CACNA1E: variants seen among roughly 807,000 people sequenced by gnomAD.
CACNA1E encodes the protein calcium voltage-gated channel subunit alpha1 E.
CACNA1E carries 40 observed loss-of-function variants against 259.2 expected under a neutral mutation model. The observed-to-expected ratio is 0.15, with a 90% CI of 0.12 to 0.20. CACNA1E has a LOEUF of 0.20. Among genes scored for constraint, CACNA1E ranks in the 10% least tolerant of loss-of-function variants. CACNA1E has a pLI of 1.00. For synonymous variants in CACNA1E, 1,104 were observed against 1,138.5 expected, an observed-to-expected ratio of 0.97 and a Z score of 0.61; for missense variants, 1,874 against 3,040.1, an observed-to-expected ratio of 0.62 and a Z score of 9.02.
At chr1:181,706,051 T>C (rs905979721) in intron 7 of CACNA1E, among the ~76,000 whole-genome samples, 1 of 152,038 alleles carries the variant, frequency 6.6e-6, no homozygotes, top group Admixed American at 6.6e-5. Flanking sequence ...ATAGAACAAA[T>C]GAAAAGGAGC....
rs190743003 is a variant in CACNA1E, at chr1:181,793,813, A to T, written c.6027+20A>T. ...CCCCAGGTAAAAAGCAACCACCTAC[A>T]TTAATGCAGTGGCATCCGGGCTGTA... On this transcript the variant is annotated intron_variant, in intron 45 of 47. Transcript: ENST00000367573. 3.1e-6 allele frequency: 5 copies of T among 1,609,048 alleles called. No homozygotes were observed. In the East Asian group the frequency reaches 1.1e-4, roughly 36 times the overall value.
chr1:181,359,216 G>A (rs1316734227), intron 1 of CACNA1E, among the ~76,000 whole-genome samples: 1 of 152,148 alleles, frequency 6.6e-6, no homozygotes, highest in Non-Finnish European at 1.5e-5. Flanking sequence ...AGCTGGGGGA[G>A]GGGCATGGAG....
chr1:181,379,949 A>T (rs1025856924), intron 1 of CACNA1E, among the ~76,000 whole-genome samples: 1 of 148,890 alleles, frequency 6.7e-6, no homozygotes, highest in African/African-American at 2.5e-5. Flanking sequence ...AGTAGTGGGA[A>T]GGTAGACTGT....
chr1:181,749,587 G>C (rs1408546815), intron 25 of CACNA1E, among the ~76,000 whole-genome samples: 2 of 152,200 alleles, frequency 1.3e-5, no homozygotes, highest in East Asian at 3.8e-4. Flanking sequence ...CTGTGAAATG[G>C]GGATAGTGAT....
At chr1:181,661,633 G>A (rs989415122) in intron 7 of CACNA1E, among the ~76,000 whole-genome samples, 3 of 152,322 alleles carry the variant, frequency 2.0e-5, no homozygotes, top group East Asian at 1.9e-4. Context: ...GTTCACAGGA[G>A]TAGAGTAGGG....
In CACNA1E at chr1:181,678,268, C is replaced by G. The variant is rs55964763; in HGVS notation, c.1055+26827C>G. ...AAAGAGGACTGAGAGAGTGTTTATT[C>G]TACCCAGACCATGGCTTTGAGATTG... On this transcript the variant is annotated intron_variant, in intron 7 of 47. Coordinates refer to ENST00000367573, the MANE Select transcript of CACNA1E (RefSeq NM_001205293.3). Among the ~76,000 whole-genome samples, 943 of 152,300 alleles carry G rather than the reference C, an allele frequency of 6.2e-3. 7 individuals carry two copies. Among genetic ancestry groups the G allele is most frequent in the African/African-American group, 0.022 (903 of 41,554 alleles).
chr1:181,719,646 T>C (rs1316901250), intron 12 of CACNA1E, 105 bp from the exon 13 acceptor site: 1 of 567,114 alleles, frequency 1.8e-6, no homozygotes, highest in Non-Finnish European at 3.1e-6. Context: ...AGAGTTTTTA[T>C]TTCCCCATCC....
intron 1 of CACNA1E, 38 bp from the exon 2 acceptor site, chr1:181,510,439 C>T (rs1666069576): frequency 7.1e-7 from 1 of 1,407,912 alleles, no homozygotes; most frequent in South Asian, 1.2e-5. Flanking sequence ...GGCTGTGTCC[C>T]TCTCTGGTGA....
At chr1:181,642,551 C>T (rs1431899991) in intron 6 of CACNA1E, among the ~76,000 whole-genome samples, 2 of 152,232 alleles carry the variant, frequency 1.3e-5, no homozygotes, top group African/African-American at 4.8e-5. Flanking sequence ...CTGATACTCA[C>T]CTCCCCTCTT....
At chr1:181,338,189 G>A (rs146182292) in intron 1 of CACNA1E, among the ~76,000 whole-genome samples, 9 of 152,242 alleles carry the variant, frequency 5.9e-5, no homozygotes, top group African/African-American at 2.2e-4. Flanking sequence ...AGGTTCAAGC[G>A]ATTCTCCTGC....
chr1:181,574,725 C>T (rs571650912), intron 3 of CACNA1E, among the ~76,000 whole-genome samples: 1 of 152,176 alleles, frequency 6.6e-6, no homozygotes, highest in Non-Finnish European at 1.5e-5. Flanking sequence ...TTGTCTTTTT[C>T]CTCTAAGAAT....
intron 3 of CACNA1E, among the ~76,000 whole-genome samples, chr1:181,556,775 G>A (rs190913633): frequency 6.6e-6 from 1 of 152,306 alleles, no homozygotes; most frequent in Admixed American, 6.5e-5. Flanking sequence ...CAGTTCTGAG[G>A]GGCTCAGGTT....
intron 6 of CACNA1E, among the ~76,000 whole-genome samples, chr1:181,635,887 G>T (rs562435362): frequency 3.3e-5 from 5 of 152,246 alleles, no homozygotes; most frequent in South Asian, 2.1e-4. Flanking sequence ...GCTACCTAGA[G>T]AAACATAAAA....
intron 37 of CACNA1E, 29 bp downstream of exon 37, chr1:181,772,260 A>G (rs1659582382): frequency 1.2e-6 from 2 of 1,602,100 alleles, no homozygotes; most frequent in Non-Finnish European, 1.7e-6. Flanking sequence ...TTGCCTTGCT[A>G]TGTGGCCCAT....
At chr1:181,717,463 A>C (rs1654009947) in intron 11 of CACNA1E, among the ~76,000 whole-genome samples, 161 bp downstream of exon 11, 1 of 152,162 alleles carries the variant, frequency 6.6e-6, no homozygotes, top group Non-Finnish European at 1.5e-5. Flanking sequence ...GGAGTATCTC[A>C]TGACTGTTTC....
intron 2 of CACNA1E, among the ~76,000 whole-genome samples, chr1:181,465,986 C>T (rs530685194): frequency 9.9e-5 from 11 of 110,762 alleles, no homozygotes; most frequent in African/African-American, 4.6e-4. Flanking sequence ...GTTCCTGAAT[C>T]CCGCTGAACA....
chr1:181,422,292 G>A (rs571894544), intron 2 of CACNA1E, among the ~76,000 whole-genome samples: 1 of 152,310 alleles, frequency 6.6e-6, no homozygotes, highest in South Asian at 2.1e-4. Flanking sequence ...CAGTGCTGAG[G>A]GCAATGCTGA....
chr1:181,501,270 C>A (rs774766264), intron 1 of CACNA1E, among the ~76,000 whole-genome samples: 2 of 152,198 alleles, frequency 1.3e-5, no homozygotes, highest in Non-Finnish European at 2.9e-5. Context: ...AGGGGCATGG[C>A]AGTGGGAGGA....
At chr1:181,563,908 A>G (rs1416582910) in intron 3 of CACNA1E, among the ~76,000 whole-genome samples, 1 of 152,234 alleles carries the variant, frequency 6.6e-6, no homozygotes, top group Non-Finnish European at 1.5e-5. Context: ...ACTATAGTGT[A>G]ACTTATACAT....
Sources: gnomAD v4.1 joint callset for allele counts (sites outside exome capture counted in the v4.1 genomes callset) on GRCh38, gnomAD v4.1.1 for gene constraint, MANE v1.5 for transcripts, NCBI Gene and HGNC (gene_info 2026-07-23, HGNC 2026-07-21) for gene names.